Variants in ROR2 observed in about 807,000 individuals in gnomAD.
ROR2 encodes tyrosine-protein kinase transmembrane receptor ROR2.
Under a neutral mutation model 74.9 loss-of-function variants are expected in ROR2, and 33 were observed. That is an observed-to-expected ratio of 0.44 (90% confidence interval 0.33 to 0.59). The LOEUF (loss-of-function observed/expected upper bound fraction) is 0.59. ROR2 is among the 20% of genes least tolerant of loss of function. ROR2 has a pLI of 0.02. For missense variants in ROR2, 1,216 were observed against 1,313.8 expected, an observed-to-expected ratio of 0.93 and a Z score of 1.15; for synonymous variants, 586 against 558.7, an observed-to-expected ratio of 1.05 and a Z score of -0.69.
intron 1 of ROR2, among the ~76,000 whole-genome samples, chr9:91,920,232 C>A (rs934383766): frequency 6.6e-6 from 1 of 152,128 alleles, no homozygotes; most frequent in Admixed American, 6.5e-5. Context: ...GATGGCCGGG[C>A]GTAGTGGCTC....
chr9:91,731,855 C>A (rs111526203), intron 6 of ROR2, among the ~76,000 whole-genome samples: 3,795 of 152,226 alleles, frequency 0.025, 158 homozygotes, highest in African/African-American at 0.085. Context: ...GTGGAGGTTG[C>A]AGTGAGCCAA....
chr9:91,852,021 ATCT>A (rs745768316), intron 1 of ROR2, among the ~76,000 whole-genome samples: 184 of 151,168 alleles, frequency 1.2e-3, no homozygotes, highest in Non-Finnish European at 2.1e-3. Flanking sequence ...AGTTAGTCTA[ATCT>A]TCTTTCAAAT....
chr9:91,856,796 C>A (rs1336167341), intron 1 of ROR2, among the ~76,000 whole-genome samples: 2 of 152,236 alleles, frequency 1.3e-5, no homozygotes, highest in Non-Finnish European at 2.9e-5. Flanking sequence ...TGGCCCATAA[C>A]AATGGCAATT....
intron 4 of ROR2, among the ~76,000 whole-genome samples, chr9:91,741,304 G>GTAATAATAATAATAATAA (rs149995684): frequency 7.4e-6 from 1 of 135,604 alleles, no homozygotes; most frequent in African/African-American, 2.8e-5. Flanking sequence ...GTCTCAAGTA[G>GTAATAATAATAATAATAA]TAATAATAAT....
At chr9:91,782,053 T>C (rs1188104651) in intron 1 of ROR2, among the ~76,000 whole-genome samples, 1 of 152,214 alleles carries the variant, frequency 6.6e-6, no homozygotes, top group Non-Finnish European at 1.5e-5. Flanking sequence ...TTCACAGACC[T>C]TCTCTCTTCC....
At position 91,882,710 on chromosome 9, in the gene ROR2, G is replaced by A. The variant is rs1036109654; in HGVS notation, c.97+67157C>T. Among the ~76,000 whole-genome samples the A allele has an allele frequency of 5.7e-4, 86 of 152,094 alleles. 1 individual carries two copies. The highest frequency in any genetic ancestry group is 5.6e-3 in the Admixed American group (85 of 15,266). On this transcript the variant is annotated intron_variant, in intron 1 of 8. Transcript: ENST00000375708. ...AAAAGAGTAATTCAGTTAAAATGAA[G>A]TCATTAGGGTGGACCCTAATCCACG...
intron 2 of ROR2, among the ~76,000 whole-genome samples, chr9:91,761,785 T>C (rs907382205): frequency 7.2e-5 from 11 of 152,116 alleles, no homozygotes; most frequent in African/African-American, 2.7e-4. Flanking sequence ...CAAAAAAGTA[T>C]CAAAGAATTG....
intron 1 of ROR2, among the ~76,000 whole-genome samples, chr9:91,821,629 C>T (rs1016658708): frequency 6.6e-6 from 1 of 152,200 alleles, no homozygotes; most frequent in East Asian, 1.9e-4. Context: ...CGTTCTCCAG[C>T]CCTTCCAAAT....
intron 1 of ROR2, among the ~76,000 whole-genome samples, chr9:91,937,777 T>A (rs1387927208): frequency 8.5e-5 from 13 of 152,150 alleles, no homozygotes; most frequent in Admixed American, 7.9e-4. Context: ...AGTGCAGTGA[T>A]CACAGCACTC....
chr9:91,731,917 AAAAAC>A (rs1389397968), intron 6 of ROR2, among the ~76,000 whole-genome samples: 1 of 152,212 alleles, frequency 6.6e-6, no homozygotes, highest in Non-Finnish European at 1.5e-5. Flanking sequence ...TCTGTCTCAA[AAAAAC>A]AAAACAAACA....
intron 1 of ROR2, among the ~76,000 whole-genome samples, chr9:91,817,466 G>A (rs1827980729): frequency 1.3e-5 from 2 of 152,214 alleles, no homozygotes; most frequent in South Asian, 4.1e-4. Flanking sequence ...GGTTCGGCTT[G>A]GACAGATCCT....
intron 1 of ROR2, among the ~76,000 whole-genome samples, chr9:91,842,538 G>A (rs1828814614): frequency 6.6e-6 from 1 of 152,232 alleles, no homozygotes; most frequent in Admixed American, 6.5e-5. Flanking sequence ...GGACGCCACA[G>A]GCATGGGCAC....
chr9:91,793,858 G>C (rs1185751695), intron 1 of ROR2, among the ~76,000 whole-genome samples: 1 of 152,086 alleles, frequency 6.6e-6, no homozygotes, highest in East Asian at 1.9e-4. Flanking sequence ...TAATTAAACA[G>C]AGGTAAACTG....
In ROR2 at chr9:91,862,904, T is replaced by C. The variant is rs145759145; in HGVS notation, c.97+86963A>G. Among the ~76,000 whole-genome samples the C allele has an allele frequency of 4.9e-3, 753 of 152,300 alleles. 2 individuals carry two copies. The highest frequency in any genetic ancestry group is 8.6e-3 in the Non-Finnish European group (584 of 68,036). ...AGTAAAAAAGGCAACTCTGTCAAAA[T>C]ATGGACCTGAATAGTCATTTCTCCA... On this transcript the variant is annotated intron_variant, in intron 1 of 8. Transcript: ENST00000375708.
chr9:91,909,957 G>A (rs1014026272), intron 1 of ROR2, among the ~76,000 whole-genome samples: 3 of 145,220 alleles, frequency 2.1e-5, no homozygotes, highest in African/African-American at 7.7e-5. Context: ...CGCCTCCCGG[G>A]TTCAAGTGAT....
intron 2 of ROR2, among the ~76,000 whole-genome samples, chr9:91,762,787 T>C (rs1052665653): frequency 2.0e-4 from 31 of 152,234 alleles, no homozygotes; most frequent in Admixed American, 5.2e-4. Flanking sequence ...TACTGTGTAA[T>C]AGAATAGCCC....
At chr9:91,732,645 C>T (rs778692841) in intron 6 of ROR2, among the ~76,000 whole-genome samples, 6 of 152,226 alleles carry the variant, frequency 3.9e-5, no homozygotes, top group East Asian at 3.8e-4. Flanking sequence ...AAGGATCCTA[C>T]AGGTTTCTGG....
intron 1 of ROR2, among the ~76,000 whole-genome samples, chr9:91,858,676 C>T (rs140381868): frequency 1.3e-5 from 2 of 152,334 alleles, no homozygotes; most frequent in East Asian, 3.9e-4. Context: ...CTTAAGGACA[C>T]ATTTTGTGTG....
chr9:91,791,147 A>T (rs532386931), intron 1 of ROR2, among the ~76,000 whole-genome samples: 12 of 152,296 alleles, frequency 7.9e-5, no homozygotes, highest in Admixed American at 2.0e-4. Context: ...ACCCAGAGCA[A>T]CTTCCAGTCC....
Sources: gnomAD v4.1 joint callset for allele counts (sites outside exome capture counted in the v4.1 genomes callset) on GRCh38, gnomAD v4.1.1 for gene constraint, MANE v1.5 for transcripts, NCBI Gene and HGNC (gene_info 2026-07-23, HGNC 2026-07-21) for gene names.